CYLD: variants seen among roughly 807,000 people sequenced by gnomAD.
CYLD encodes ubiquitin carboxyl-terminal hydrolase CYLD.
Under a neutral mutation model 104.5 loss-of-function variants are expected in CYLD, and 26 were observed. That is an observed-to-expected ratio of 0.25 (90% CI 0.18 to 0.35). The LOEUF (loss-of-function observed/expected upper bound fraction) is 0.35. CYLD is among the 10% of genes least tolerant of loss of function. The probability of loss-of-function intolerance (pLI) is 1.00; values close to 1 mark genes in which losing one functional copy is unlikely to be tolerated. For synonymous variants in CYLD, 385 were observed against 399.9 expected (o/e 0.96, Z 0.45); for missense variants, 703 against 1,136.1 (o/e 0.62, Z 5.48).
intron 6 of CYLD, among the ~76,000 whole-genome samples, chr16:50,775,430 A>G (rs1969575393): frequency 6.6e-6 from 1 of 152,116 alleles, no homozygotes; most frequent in African/African-American, 2.4e-5. Flanking sequence ...GGCTTTCTGT[A>G]TTTTTAATCT....
In CYLD at chr16:50,796,744, A is replaced by G. The variant is rs527388457; in HGVS notation, c.*236A>G. On this transcript the variant is annotated 3_prime_UTR_variant, in exon 19 of 19. Coordinates refer to ENST00000427738, the MANE Select transcript of CYLD (RefSeq NM_001378743.1). Reference sequence around the variant, plus strand: ...TGTGTTGGTTTTTTAAGAAGTCTAAATGAAGTTATTAATACCTGAAGCTTT... The same window carrying G: ...TGTGTTGGTTTTTTAAGAAGTCTAAGTGAAGTTATTAATACCTGAAGCTTT... 1.3e-5 allele frequency: 7 copies of G among 531,482 alleles called. No homozygotes were observed. The East Asian group carries it at 1.6e-4, about 12-fold the overall frequency. 32.9% of individuals were successfully genotyped at this position (531,482 alleles called of 1,614,324 possible).
chr16:50,796,818 A>T lies in CYLD; in HGVS notation c.*310A>T, dbSNP rs1265367617. On this transcript the variant is annotated 3_prime_UTR_variant, in exon 19 of 19. Coordinates refer to ENST00000427738, the MANE Select transcript of CYLD (RefSeq NM_001378743.1). Reference sequence around the variant, plus strand: ...ATATTTTTGGAAGCATACAATTTTAATTGTGGAAGTTTAAAGCCTCTTTTA... The same window carrying T: ...ATATTTTTGGAAGCATACAATTTTATTTGTGGAAGTTTAAAGCCTCTTTTA... 1 of 402,376 alleles carries T rather than the reference A, an allele frequency of 2.5e-6. No individual in the cohort carries two copies. The highest frequency in any genetic ancestry group is 2.0e-5 in the African/African-American group (1 of 50,378). 24.9% of individuals were successfully genotyped at this position (402,376 alleles called of 1,614,324 possible).
At chr16:50,774,549 A>T (rs1813741890) in intron 5 of CYLD, among the ~76,000 whole-genome samples, 1 of 152,230 alleles carries the variant, frequency 6.6e-6, no homozygotes, top group African/African-American at 2.4e-5. Flanking sequence ...AAGTAAAATA[A>T]GGGTGACTTG....
rs1597110305 is a variant in CYLD at position 50,801,885 on chromosome 16, G to GAAAT, written c.*5378_*5381dup. On this transcript the variant is annotated 3_prime_UTR_variant, in exon 19 of 19. Coordinates refer to ENST00000427738, the MANE Select transcript of CYLD (RefSeq NM_001378743.1). ...GATGAATGAAGTGCTGCTGTGGAAA[G>GAAAT]AAATGTACATATACTATTTCTGTAT... is the stretch of plus-strand genomic sequence containing the variant. 1 of 232,186 alleles carries GAAAT rather than the reference G, an allele frequency of 4.3e-6. No individual in the cohort carries two copies. The highest frequency in any genetic ancestry group is 8.5e-6 in the Non-Finnish European group (1 of 117,096). The allele number at this position is 232,186 out of a possible 1,614,324, so 14.4% of individuals were successfully genotyped here.
At chr16:50,769,423 A>G (rs1968878233) in intron 5 of CYLD, among the ~76,000 whole-genome samples, 1 of 152,198 alleles carries the variant, frequency 6.6e-6, no homozygotes, top group Admixed American at 6.5e-5. Flanking sequence ...ATTGGTGACC[A>G]GTGATATCAA....
chr16:50,776,667 A>G (rs1567443850), intron 7 of CYLD, among the ~76,000 whole-genome samples: 1 of 152,216 alleles, frequency 6.6e-6, no homozygotes. Context: ...ATTTGGTACA[A>G]ATTAAATCCC....
At chr16:50,784,555 G>A (rs1970614729) in intron 12 of CYLD, 104 bp downstream of exon 12, 1 of 1,223,834 alleles carries the variant, frequency 8.2e-7, no homozygotes, top group African/African-American at 1.5e-5. Context: ...ATAAGAGATG[G>A]GTGAAAATTA....
chr16:50,748,068 T>C (rs1354932511), intron 2 of CYLD, among the ~76,000 whole-genome samples: 1 of 152,222 alleles, frequency 6.6e-6, no homozygotes, highest in Non-Finnish European at 1.5e-5. Flanking sequence ...TAAAATTTGG[T>C]TCTTTAGGAG....
chr16:50,793,697 T>C (rs376477708), intron 17 of CYLD, 33 bp downstream of exon 17: 1 of 1,299,306 alleles, frequency 7.7e-7, no homozygotes, highest in African/African-American at 1.5e-5. Flanking sequence ...GATAAACTTT[T>C]GTTGAACAGT....
At position 50,786,930 on chromosome 16, in the gene CYLD, T is replaced by C. The variant is rs1204749370; in HGVS notation, c.2025T>C (p.Phe675=). 20 of 1,613,822 alleles carry C rather than the reference T, an allele frequency of 1.2e-5. No individual in the cohort carries two copies. The highest frequency in any genetic ancestry group is 1.5e-5 in the Non-Finnish European group (18 of 1,179,848). Residue 675 remains phenylalanine (F), a synonymous_variant, in exon 13 of 19, where the codon TTT becomes TTC. Transcript: ENST00000427738. ...ILEKVEAASG[F]TSEEKDPEEF... ...AAAAGGTGGAGGCTGCATCAGGATT[T>C]ACCTCTGAAGAAAAAGGTGACCATC...
intron 10 of CYLD, among the ~76,000 whole-genome samples, chr16:50,781,965 T>C (rs1970260564): frequency 6.6e-6 from 1 of 152,212 alleles, no homozygotes; most frequent in East Asian, 1.9e-4. Context: ...TGAAAAACAC[T>C]CTTATTATGT....
chr16:50,761,470 C>T (rs944449039), intron 5 of CYLD, among the ~76,000 whole-genome samples: 2 of 152,190 alleles, frequency 1.3e-5, no homozygotes, highest in Non-Finnish European at 2.9e-5. Context: ...CCTCCAGCCT[C>T]TGCTCATCTC....
In CYLD at chr16:50,801,104, G is replaced by A. The variant is rs1002555016; in HGVS notation, c.*4596G>A. On this transcript the variant is annotated 3_prime_UTR_variant, in exon 19 of 19. Coordinates refer to ENST00000427738, the MANE Select transcript of CYLD (RefSeq NM_001378743.1). ...TCTCCGTTCCCCTTCAGACCTTTCT[G>A]GGGAGAAGAGGTGGGAGGAGGGGAG... The A allele has an allele frequency of 4.3e-6, 1 of 233,342 alleles. No homozygotes were observed. 14.5% of individuals were successfully genotyped at this position (233,342 alleles called of 1,614,324 possible). A position where few individuals can be genotyped will look rare whatever the true frequency, so the allele number is the denominator to read the frequency against.
At chr16:50,752,025 TTA>T (rs1311906792) in intron 4 of CYLD, 119 bp downstream of exon 4, 13 of 287,300 alleles carry the variant, frequency 4.5e-5, no homozygotes, top group Non-Finnish European at 6.8e-5. Context: ...TATGTATAGT[TTA>T]TATATATATG....
Position 50,749,780 on chromosome 16 carries a change from T to C in CYLD, c.82T>C (p.Cys28Arg). 1.2e-6 allele frequency: 2 copies of C among 1,613,914 alleles called. No individual in the cohort carries two copies. The highest frequency in any genetic ancestry group is 1.1e-5 in the South Asian group (1 of 91,052). Residue 28 changes from cysteine to arginine, a missense_variant, in exon 3 of 19, where the codon TGC becomes CGC. Coordinates refer to ENST00000427738, the MANE Select transcript of CYLD (RefSeq NM_001378743.1). ...GATTTTTTACTTGCTTCTTCAAGAATGCAGCGTTACAGACAAACAAACACA... is the reference window on the plus strand; with the variant it reads ...GATTTTTTACTTGCTTCTTCAAGAACGCAGCGTTACAGACAAACAAACACA... ...ERIFYLLLQECSVTDKQTQKL... is the reference protein window; with the variant it reads ...ERIFYLLLQERSVTDKQTQKL...
In CYLD at chr16:50,750,134, G is replaced by A; in HGVS notation, c.436G>A (p.Val146Ile). Residue 146 changes from valine (V) to isoleucine (I), a missense_variant, in exon 3 of 19, where the codon GTA becomes ATA. Physicochemically the swap from Val to Ile is conservative, Grantham distance 29. Coordinates refer to ENST00000427738, the MANE Select transcript of CYLD (RefSeq NM_001378743.1). ...TGGGGAAGAAAAATTTCCTGGAGTT[G>A]TACGCTTCAGAGGACCCCTGTTAGC... is the stretch of plus-strand genomic sequence containing the variant. ...RSGEEKFPGV[V>I]RFRGPLLAER... 6.2e-7 allele frequency: 1 copy of A among 1,614,076 alleles called. No individual in the cohort carries two copies. The highest frequency in any genetic ancestry group is 8.5e-7 in the Non-Finnish European group (1 of 1,179,988).
In CYLD at chr16:50,749,921, C is replaced by A. The variant is rs1383362180; in HGVS notation, c.223C>A (p.Leu75Ile). Reference sequence around the variant, plus strand: ...GAAAAATCAGATTGGATTAAAAATTCTAGAGCAACCTCATGCAGTTCTCTT... The same window carrying A: ...GAAAAATCAGATTGGATTAAAAATTATAGAGCAACCTCATGCAGTTCTCTT... ...GKKNQIGLKI[L>I]EQPHAVLFVD... is the part of the protein sequence containing the mutation. Residue 75 changes from leucine (L) to isoleucine (I), a missense_variant, in exon 3 of 19, where the codon CTA becomes ATA. By Grantham distance (5) the Leu-to-Ile change is conservative. This residue lies in a region of CYLD where 142 missense variants were observed against 165.1 expected (regional missense o/e 0.86). Coordinates refer to ENST00000427738, the MANE Select transcript of CYLD (RefSeq NM_001378743.1). 6.2e-7 allele frequency: 1 copy of A among 1,614,120 alleles called. No homozygotes were observed. Among genetic ancestry groups the A allele is most frequent in the East Asian group, 2.2e-5 (1 of 44,880 alleles).
rs371633057 is a variant in CYLD, at chr16:50,757,207, C to T, written c.913+2783C>T. Among the ~76,000 whole-genome samples the T allele has an allele frequency of 2.3e-4, 35 of 151,202 alleles. 1 individual carries two copies. The highest frequency in any genetic ancestry group is 8.3e-4 in the South Asian group (4 of 4,798). ...GGTTCCTTTTAGCGTGCACTGTTTG[C>T]GCTTCCTGTTTTCCTGTTGCTGAAG... On this transcript the variant is annotated intron_variant, in intron 5 of 18. Coordinates refer to ENST00000427738, the MANE Select transcript of CYLD (RefSeq NM_001378743.1).
chr16:50,777,781 T>C (rs1272874472), intron 7 of CYLD, 44 bp from the exon 8 acceptor site: 4 of 1,027,000 alleles, frequency 3.9e-6, no homozygotes, highest in Non-Finnish European at 4.6e-6. Context: ...ACTTTGATGC[T>C]ATATTGACTT....
Sources: allele counts gnomAD v4.1 joint callset (sites outside exome capture counted in the v4.1 genomes callset), GRCh38; gene constraint gnomAD v4.1.1; regional missense constraint gnomAD v4.1.1; transcripts MANE v1.5; gene names NCBI Gene and HGNC (gene_info 2026-07-23, HGNC 2026-07-21).